Variants in ANKRD44 observed in about 807,000 individuals in gnomAD.
The protein encoded by ANKRD44 is ankyrin repeat domain 44, also known as serine/threonine-protein phosphatase 6 regulatory ankyrin repeat subunit B.
Under a neutral mutation model 116.0 loss-of-function variants are expected in ANKRD44, and 35 were observed. The observed-to-expected ratio is 0.30, with a 90% CI of 0.23 to 0.40. The LOEUF (loss-of-function observed/expected upper bound fraction) is 0.40. ANKRD44 is among the 10% of genes least tolerant of loss of function. The pLI is 1.00. For synonymous variants in ANKRD44, 435 were observed against 461.8 expected (o/e 0.94, Z 0.74); for missense variants, 1,014 against 1,242.6 (o/e 0.82, Z 2.77).
chr2:196,982,830 T>C (rs919059417), downstream of ANKRD44, among the ~76,000 whole-genome samples: 3 of 152,158 alleles, frequency 2.0e-5, no homozygotes, highest in Non-Finnish European at 4.4e-5. Flanking sequence ...ATATACACCA[T>C]AGAATACTAT....
In ANKRD44 at chr2:197,274,869, G is replaced by C. The variant is rs528993716; in HGVS notation, c.27+35709C>G. Among the ~76,000 whole-genome samples, 143 of 152,210 alleles carry C rather than the reference G, an allele frequency of 9.4e-4. 1 individual carries two copies. The highest frequency in any genetic ancestry group is 3.3e-3 in the African/African-American group (138 of 41,518). On this transcript the variant is annotated intron_variant, in intron 1 of 27. Coordinates refer to ENST00000282272, the MANE Select transcript of ANKRD44 (RefSeq NM_001195144.2). The stretch of plus-strand genomic sequence containing the variant: ...AGCACTTTGGGAGGCCAAGGTGTGA[G>C]GATTGCTTAAGGCCAGGAGTTCAGG...
chr2:197,013,799 C>A (rs1242682724), intron 17 of ANKRD44, 87 bp from the exon 18 acceptor site: 7 of 1,393,714 alleles, frequency 5.0e-6, no homozygotes, highest in Non-Finnish European at 7.0e-6. Flanking sequence ...GCTTCCTGGG[C>A]CATGGATAGA....
intron 16 of ANKRD44, among the ~76,000 whole-genome samples, chr2:197,047,893 C>G (rs185291432): frequency 1.1e-3 from 164 of 149,154 alleles, no homozygotes; most frequent in African/African-American, 3.9e-3. Flanking sequence ...CTGGGCAACA[C>G]AGTGAGACTC....
At chr2:197,292,237 G>C (rs1015260150) in intron 1 of ANKRD44, among the ~76,000 whole-genome samples, 1 of 152,140 alleles carries the variant, frequency 6.6e-6, no homozygotes, top group African/African-American at 2.4e-5. Flanking sequence ...CTAGATTCTT[G>C]AGAGATCGCC....
chr2:196,972,885 T>C (rs1440821323), intron 21 of ANKRD44, among the ~76,000 whole-genome samples: 1 of 152,236 alleles, frequency 6.6e-6, no homozygotes, highest in South Asian at 2.1e-4. Context: ...TCTTACCAGA[T>C]TTTATCATTC....
chr2:196,990,843 G>A, intron 27 of ANKRD44: 1 of 1,232,458 alleles, frequency 8.1e-7, no homozygotes, highest in Non-Finnish European at 1.0e-6. Context: ...ACTGGAAGGA[G>A]AAAAAGGCAT....
chr2:197,259,215 C>G (rs1310879417), intron 1 of ANKRD44, among the ~76,000 whole-genome samples: 1 of 152,176 alleles, frequency 6.6e-6, no homozygotes, highest in African/African-American at 2.4e-5. Context: ...GGACTCTAGA[C>G]CCAGGGATGC....
intron 17 of ANKRD44, among the ~76,000 whole-genome samples, chr2:197,020,684 G>A (rs921121257): frequency 3.3e-5 from 5 of 151,966 alleles, no homozygotes; most frequent in Admixed American, 3.3e-4. Context: ...ATTTTACTAT[G>A]CATAAAGTAA....
chr2:197,231,252 G>A (rs996833459), intron 1 of ANKRD44, among the ~76,000 whole-genome samples: 8 of 151,938 alleles, frequency 5.3e-5, no homozygotes, highest in Non-Finnish European at 4.4e-5. Context: ...GCAAGACCCC[G>A]TCTCTAAAAA....
intron 1 of ANKRD44, among the ~76,000 whole-genome samples, chr2:197,285,908 T>G (rs950115965): frequency 7.9e-5 from 12 of 152,212 alleles, no homozygotes; most frequent in African/African-American, 2.9e-4. Flanking sequence ...GCCTTCCAGT[T>G]TGATTGCTAA....
At chr2:197,179,540 T>C (rs1534541) in intron 2 of ANKRD44, among the ~76,000 whole-genome samples, 7,773 of 152,346 alleles carry the variant, frequency 0.051, 637 homozygotes, top group African/African-American at 0.18. Context: ...TTAATTCTTA[T>C]ATTTTTCTTT....
chr2:197,053,093 C>T (rs1001932979), intron 16 of ANKRD44, among the ~76,000 whole-genome samples: 4 of 152,148 alleles, frequency 2.6e-5, no homozygotes, highest in Non-Finnish European at 5.9e-5. Context: ...ATTGCTTGAA[C>T]CCAGGAGGTG....
rs144198374 is a variant in ANKRD44 at position 197,070,406 on chromosome 2, T to A, written c.1650+8297A>T. ...GAAGTTCCCCTCTATCTAATATTTC[T>A]AGGAGAGTTTTTTGTTGTTGTTGTT... On this transcript the variant is annotated intron_variant, in intron 16 of 27. Coordinates refer to ENST00000282272, the MANE Select transcript of ANKRD44 (RefSeq NM_001195144.2). 2.6e-3 allele frequency among the ~76,000 whole-genome samples: 391 copies of A among 152,286 alleles called. 3 individuals carry two copies. The highest frequency in any genetic ancestry group is 9.1e-3 in the African/African-American group (378 of 41,580).
intron 12 of ANKRD44, among the ~76,000 whole-genome samples, chr2:197,087,547 G>A (rs1411817287): frequency 6.6e-6 from 1 of 152,126 alleles, no homozygotes. Flanking sequence ...TCTAAACTTA[G>A]GATGCTAGAA....
At chr2:197,063,293 C>A (rs1006875832) in intron 16 of ANKRD44, among the ~76,000 whole-genome samples, 3 of 152,172 alleles carry the variant, frequency 2.0e-5, no homozygotes, top group Non-Finnish European at 4.4e-5. Flanking sequence ...CACACCAAAA[C>A]CCCATCTGTA....
At chr2:197,091,471 A>G (rs2078041878) in intron 10 of ANKRD44, among the ~76,000 whole-genome samples, 1 of 152,202 alleles carries the variant, frequency 6.6e-6, no homozygotes, top group African/African-American at 2.4e-5. Context: ...CTCCCACTTC[A>G]GCCTCCTGAG....
chr2:197,136,382 A>G (rs2079216763), intron 4 of ANKRD44: 12 of 584,824 alleles, frequency 2.1e-5, no homozygotes, highest in Non-Finnish European at 3.4e-5. Flanking sequence ...CATGCTGTCC[A>G]TGTTGAACTA....
chr2:197,169,364 T>A (rs1432980721), intron 2 of ANKRD44, among the ~76,000 whole-genome samples: 1 of 152,206 alleles, frequency 6.6e-6, no homozygotes, highest in Non-Finnish European at 1.5e-5. Context: ...TAAGTACCTA[T>A]TCATTCATTT....
At chr2:197,283,630 T>C (rs1019351245) in intron 1 of ANKRD44, among the ~76,000 whole-genome samples, 10 of 152,156 alleles carry the variant, frequency 6.6e-5, no homozygotes, top group East Asian at 3.8e-4. Flanking sequence ...ATGACAATAA[T>C]GGTTAAATAT....
Sources: allele counts gnomAD v4.1 joint callset (sites outside exome capture counted in the v4.1 genomes callset), GRCh38; gene constraint gnomAD v4.1.1; transcripts MANE v1.5; gene names NCBI Gene and HGNC (gene_info 2026-07-23, HGNC 2026-07-21).